DNAH8: variants seen among roughly 807,000 people sequenced by gnomAD.
DNAH8 encodes dynein axonemal heavy chain 8.
In DNAH8, 382 loss-of-function variants were observed where a neutral mutation model predicts 562.1. The ratio of observed to expected loss-of-function variants is 0.68; its 90% confidence interval spans 0.63 to 0.74. DNAH8 has a LOEUF of 0.74. Among genes scored for constraint, DNAH8 ranks in the 30% least tolerant of loss-of-function variants. The pLI is 0.00. For synonymous variants in DNAH8, 1,881 were observed against 1,919.4 expected (o/e 0.98, Z 0.52); for missense variants, 5,203 against 5,620.4 (o/e 0.93, Z 2.37).
At chr6:38,791,798 G>A (rs1348578892) in intron 21 of DNAH8, 124 bp downstream of exon 21, 2 of 946,110 alleles carry the variant, frequency 2.1e-6, no homozygotes, top group Admixed American at 2.9e-5. Context: ...TTTGTTTTTT[G>A]TGAACATTCT....
chr6:38,945,985 T>A (rs1464095212), intron 80 of DNAH8, among the ~76,000 whole-genome samples: 1 of 152,194 alleles, frequency 6.6e-6, no homozygotes, highest in African/African-American at 2.4e-5. Context: ...CTCTAAAAAA[T>A]TAATTATTTT....
intron 42 of DNAH8, among the ~76,000 whole-genome samples, 154 bp downstream of exon 42, chr6:38,857,896 G>A (rs372891314): frequency 6.6e-6 from 1 of 151,978 alleles, no homozygotes; most frequent in East Asian, 1.9e-4. Context: ...TTTCTGTATT[G>A]GATGGCTTAA....
intron 4 of DNAH8, among the ~76,000 whole-genome samples, chr6:38,731,840 G>C (rs1763676258): frequency 6.6e-6 from 1 of 152,108 alleles, no homozygotes; most frequent in Non-Finnish European, 1.5e-5. Context: ...TCAGCCTCCT[G>C]AGTAGCTGGG....
Position 38,775,842 on chromosome 6 carries a change from G to GA in DNAH8, c.1856dup (p.Asn619LysfsTer7), listed in dbSNP as rs752991804. On this transcript the variant is annotated frameshift_variant, in exon 13 of 93. Transcript: ENST00000327475. LOFTEE classifies it high-confidence loss of function. ...ATAGATATTATGGCAATAAAATTCA[G>GA]AAATATATACCAAGGGGTTAAGAAA... The GA allele has an allele frequency of 1.9e-6, 3 of 1,607,186 alleles. No individual in the cohort carries two copies. In the Admixed American group the frequency reaches 5.0e-5, roughly 27 times the overall value.
chr6:38,974,502 A>G lies in DNAH8; in HGVS notation c.12807A>G (p.Thr4269=). ...NLPMWKPMLY[T]VAFLHSTVQE... ...CCATGTGGAAGCCGATGCTTTACACAGTAGCATTTTTACACTCCACTGTGC... is the reference window on the plus strand; with the variant it reads ...CCATGTGGAAGCCGATGCTTTACACGGTAGCATTTTTACACTCCACTGTGC... Residue 4269 remains threonine (T), a synonymous_variant, in exon 85 of 93, where the codon ACA becomes ACG. Coordinates refer to ENST00000327475, the MANE Select transcript of DNAH8 (RefSeq NM_001206927.2). 6.2e-7 allele frequency: 1 copy of G among 1,613,914 alleles called. No homozygotes were observed. Among genetic ancestry groups the G allele is most frequent in the South Asian group, 1.1e-5 (1 of 91,036 alleles).
chr6:38,746,157 C>A (rs1396996337), intron 8 of DNAH8, among the ~76,000 whole-genome samples: 2 of 152,144 alleles, frequency 1.3e-5, no homozygotes, highest in African/African-American at 4.8e-5. Context: ...TGTCTCTTCT[C>A]TCACTGTAGT....
At chr6:38,773,615 G>C (rs1234700081) in intron 12 of DNAH8, among the ~76,000 whole-genome samples, 1 of 152,196 alleles carries the variant, frequency 6.6e-6, no homozygotes, top group African/African-American at 2.4e-5. Flanking sequence ...CAGCTCCTCT[G>C]TGCTAAGAAC....
At chr6:38,957,866 C>CAAAAAAAAAAAAAAAA (rs1209427701) in intron 82 of DNAH8, among the ~76,000 whole-genome samples, 43 of 75,868 alleles carry the variant, frequency 5.7e-4, no homozygotes, top group East Asian at 1.3e-3. Context: ...ATGCCTACAC[C>CAAAAAAAAAAAAAAAA]AAAAAAAAAA....
chr6:38,883,513 T>A, intron 55 of DNAH8, 57 bp downstream of exon 55: 1 of 1,502,570 alleles, frequency 6.7e-7, no homozygotes, highest in African/African-American at 1.4e-5. Context: ...AATTAGTGGT[T>A]ACAATAAAAT....
chr6:38,719,920 G>C (rs12196682), intron 1 of DNAH8, among the ~76,000 whole-genome samples: 22,900 of 152,092 alleles, frequency 0.15, 1,847 homozygotes, highest in East Asian at 0.19. Context: ...CTTACCACCA[G>C]AAAATGGAAA....
At chr6:38,952,288 G>C (rs192899838) in intron 82 of DNAH8, among the ~76,000 whole-genome samples, 5 of 152,166 alleles carry the variant, frequency 3.3e-5, no homozygotes, top group Admixed American at 2.6e-4. Flanking sequence ...GAGTCAGTAG[G>C]ATTAAAGGAC....
rs1451094316 is a variant in DNAH8, at chr6:38,729,930, A to C, written c.554A>C (p.Lys185Thr). 12 of 1,597,584 alleles carry C rather than the reference A, an allele frequency of 7.5e-6. No homozygotes were observed. Among genetic ancestry groups the C allele is most frequent in the Non-Finnish European group, 1.0e-5 (12 of 1,169,204 alleles). The change falls in exon 4 of 93, where the codon AAA (lysine) becomes ACA (threonine). Residue 185 changes from lysine (K) to threonine (T), a missense_variant. Physicochemically the swap from Lys to Thr is moderately conservative, Grantham distance 78 (BLOSUM62 -1). Transcript: ENST00000327475. ...SLEAFTNFFAKDGCKTLKFLY... is the reference protein window; with the variant it reads ...SLEAFTNFFATDGCKTLKFLY... ...GAAGCATTTACTAATTTTTTTGCGA[A>C]AGATGGTTGTAAGACACTGAAATTT... is the stretch of plus-strand genomic sequence containing the variant.
intron 91 of DNAH8, among the ~76,000 whole-genome samples, chr6:39,023,117 C>G (rs1767032675): frequency 6.6e-6 from 1 of 152,118 alleles, no homozygotes; most frequent in East Asian, 1.9e-4. Flanking sequence ...TTTTGTTTCT[C>G]CCTTTGGAGT....
In DNAH8 at chr6:38,770,477, A is replaced by C; in HGVS notation, c.1682A>C (p.Glu561Ala). 1.2e-6 allele frequency: 2 copies of C among 1,608,200 alleles called. No individual in the cohort carries two copies. Among genetic ancestry groups the C allele is most frequent in the Non-Finnish European group, 1.7e-6 (2 of 1,177,034 alleles). The change falls in exon 12 of 93, where the codon GAA becomes GCA. Residue 561 changes from glutamate to alanine, a missense_variant. By Grantham distance (107) the Glu-to-Ala change is moderately radical (BLOSUM62 -1). Transcript: ENST00000327475. ...CATAAAACAAGGAAACTGATTTCAG[A>C]ATCCTCAGGGGAAAAATCTTTTGAG... Reference protein sequence around the residue: ...SFHKTRKLISESSGEKSFEVS... With the variant: ...SFHKTRKLISASSGEKSFEVS...
intron 43 of DNAH8, among the ~76,000 whole-genome samples, chr6:38,860,914 A>C (rs1342694234): frequency 3.3e-5 from 5 of 152,244 alleles, no homozygotes; most frequent in South Asian, 2.1e-4. Context: ...CTAGAATCCC[A>C]AAAGAAGTTA....
chr6:38,756,852 A>G (rs1260238847), intron 10 of DNAH8, among the ~76,000 whole-genome samples: 1 of 151,956 alleles, frequency 6.6e-6, no homozygotes, highest in Non-Finnish European at 1.5e-5. Context: ...ACATGAATTC[A>G]TCGTTTTTTA....
intron 76 of DNAH8, among the ~76,000 whole-genome samples, chr6:38,934,304 G>A (rs1279074144): frequency 6.6e-6 from 1 of 151,112 alleles, no homozygotes; most frequent in Non-Finnish European, 1.5e-5. Context: ...AGTGAGCCGA[G>A]ATCACACCAC....
intron 21 of DNAH8, among the ~76,000 whole-genome samples, chr6:38,794,265 G>T (rs144712969): frequency 7.9e-5 from 12 of 151,698 alleles, no homozygotes; most frequent in African/African-American, 2.4e-4. Flanking sequence ...GGATGGGGTA[G>T]GTCTCATTTC....
chr6:38,993,442 G>GTT (rs138077994), intron 88 of DNAH8, among the ~76,000 whole-genome samples: 14 of 151,874 alleles, frequency 9.2e-5, no homozygotes, highest in Non-Finnish European at 1.9e-4. Flanking sequence ...ACATTTAAGG[G>GTT]TTTTTTTCCC....
Sources: allele counts gnomAD v4.1 joint callset (sites outside exome capture counted in the v4.1 genomes callset), GRCh38; gene constraint gnomAD v4.1.1; transcripts MANE v1.5; gene names NCBI Gene and HGNC (gene_info 2026-07-23, HGNC 2026-07-21).